The following CCDC7 variants were observed in gnomAD, a reference collection of about 807,000 sequenced individuals.
CCDC7 encodes coiled-coil domain containing 7.
A neutral mutation model predicts 196.9 loss-of-function variants in CCDC7; 183 were observed. The observed-to-expected ratio is 0.93, with a 90% CI of 0.82 to 1.05. CCDC7 has a LOEUF of 1.05. Ranked by LOEUF, CCDC7 falls within the 50% of genes least tolerant of loss-of-function variation. CCDC7 has a pLI of 0.00. For synonymous variants in CCDC7, 525 were observed against 484.6 expected (o/e 1.08, Z -1.10); for missense variants, 1,540 against 1,482.2 (o/e 1.04, Z -0.64).
chr10:32,769,293 A>G (rs577939028), intron 28 of CCDC7, among the ~76,000 whole-genome samples: 1 of 150,636 alleles, frequency 6.6e-6, no homozygotes, highest in Non-Finnish European at 1.5e-5. Context: ...TTGTGAGCAT[A>G]TAGTTATTCA....
intron 20 of CCDC7, among the ~76,000 whole-genome samples, chr10:32,656,717 C>G (rs1212900451): frequency 1.3e-5 from 2 of 152,162 alleles, no homozygotes; most frequent in African/African-American, 4.8e-5. Context: ...TATCATTCCA[C>G]CCGGCCCCTC....
intron 25 of CCDC7, among the ~76,000 whole-genome samples, chr10:32,718,076 AAAC>A (rs1591997561): frequency 6.6e-6 from 1 of 152,086 alleles, no homozygotes; most frequent in African/African-American, 2.4e-5. Flanking sequence ...AGAGACACAA[AAAC>A]AACAACAAAA....
Position 32,631,897 on chromosome 10 carries a change from T to C in CCDC7, c.1802-2357T>C, listed in dbSNP as rs530333193. Among the ~76,000 whole-genome samples, 8 of 152,198 alleles carry C rather than the reference T, an allele frequency of 5.3e-5. No homozygotes were observed. In the South Asian group the frequency reaches 1.7e-3, roughly 32 times the overall value. ...AAGTCATTCTTTAACTGTTTCATTT[T>C]GATACTATTATTAATTTTCAAACTG... On this transcript the variant is annotated intron_variant, in intron 18 of 41. Transcript: ENST00000639629.
At chr10:32,669,891 G>T (rs941770574) in intron 21 of CCDC7, among the ~76,000 whole-genome samples, 4 of 151,940 alleles carry the variant, frequency 2.6e-5, no homozygotes, top group African/African-American at 9.7e-5. Flanking sequence ...TGTTTGTATT[G>T]TTATACGTGA....
At chr10:32,799,271 C>T (rs111685823) in intron 29 of CCDC7, among the ~76,000 whole-genome samples, 2,892 of 152,176 alleles carry the variant, frequency 0.019, 48 homozygotes, top group Non-Finnish European at 0.029. Context: ...CTCCAAAATC[C>T]GAGAGGGCTC....
intron 21 of CCDC7, among the ~76,000 whole-genome samples, chr10:32,677,560 C>T (rs955308448): frequency 6.6e-6 from 1 of 151,796 alleles, no homozygotes; most frequent in African/African-American, 2.4e-5. Context: ...CTCTTCTGGC[C>T]TGCAGGGTTT....
intron 28 of CCDC7, among the ~76,000 whole-genome samples, chr10:32,732,410 T>C (rs1015397056): frequency 1.3e-4 from 20 of 152,210 alleles, no homozygotes; most frequent in African/African-American, 4.3e-4. Flanking sequence ...TATGTGCGTA[T>C]ATTCATGTAT....
At chr10:32,716,184 A>G (rs542705307) in intron 25 of CCDC7, among the ~76,000 whole-genome samples, 1 of 152,370 alleles carries the variant, frequency 6.6e-6, no homozygotes, top group Admixed American at 6.5e-5. Context: ...AGGGAAGCCC[A>G]TCAGACTAAC....
chr10:32,675,463 G>A (rs1343420294), intron 21 of CCDC7, among the ~76,000 whole-genome samples: 3 of 151,968 alleles, frequency 2.0e-5, no homozygotes, highest in South Asian at 4.2e-4. Flanking sequence ...TTTATATTCT[G>A]TATCCATTAA....
At chr10:32,583,650 A>T (rs985622579) in intron 17 of CCDC7, among the ~76,000 whole-genome samples, 5 of 152,108 alleles carry the variant, frequency 3.3e-5, no homozygotes, top group African/African-American at 9.7e-5. Flanking sequence ...CAATAAGATG[A>T]TTGTAAAAGC....
At chr10:32,682,514 C>G (rs1273901695) in intron 21 of CCDC7, among the ~76,000 whole-genome samples, 1 of 152,154 alleles carries the variant, frequency 6.6e-6, no homozygotes, top group Non-Finnish European at 1.5e-5. Flanking sequence ...GGGGTCATTC[C>G]CAGTAACGGG....
At chr10:32,660,668 A>G (rs1394036622) in intron 20 of CCDC7, among the ~76,000 whole-genome samples, 3 of 151,970 alleles carry the variant, frequency 2.0e-5, no homozygotes, top group Non-Finnish European at 4.4e-5. Context: ...GTCAAATGGT[A>G]TTTCCAGTTC....
intron 28 of CCDC7, among the ~76,000 whole-genome samples, chr10:32,731,929 T>G (rs2084043717): frequency 6.6e-6 from 1 of 152,166 alleles, no homozygotes. Flanking sequence ...GGCACGCGCC[T>G]GTAGTCCCGG....
chr10:32,693,664 A>C (rs1470151859), intron 23 of CCDC7, among the ~76,000 whole-genome samples: 1 of 152,136 alleles, frequency 6.6e-6, no homozygotes, highest in African/African-American at 2.4e-5. Context: ...ATAAGAAAAA[A>C]AAATTGATTC....
chr10:32,588,700 T>C (rs926317141), intron 18 of CCDC7, among the ~76,000 whole-genome samples: 1 of 152,152 alleles, frequency 6.6e-6, no homozygotes, highest in African/African-American at 2.4e-5. Flanking sequence ...TTTTATTTTT[T>C]AGAAGAGTGT....
intron 11 of CCDC7, among the ~76,000 whole-genome samples, chr10:32,524,206 A>T (rs1387729116): frequency 6.6e-6 from 1 of 152,072 alleles, no homozygotes; most frequent in East Asian, 1.9e-4. Context: ...CTTATAACCC[A>T]CAACTTTAAA....
At chr10:32,757,192 A>G (rs2076607025) in intron 28 of CCDC7, among the ~76,000 whole-genome samples, 1 of 152,212 alleles carries the variant, frequency 6.6e-6, no homozygotes, top group African/African-American at 2.4e-5. Context: ...AGACAGATCA[A>G]TGAGACAGAA....
rs151116922 is a variant in CCDC7 at position 32,595,630 on chromosome 10, A to T, written c.1801+11326A>T. On this transcript the variant is annotated intron_variant, in intron 18 of 41. Transcript: ENST00000639629. Reference sequence around the variant, plus strand: ...TGCTTCTCTAGTTCTTTTAATTGTGATGTTAGGGTGTCCATTTTAGATCTC... The same window carrying T: ...TGCTTCTCTAGTTCTTTTAATTGTGTTGTTAGGGTGTCCATTTTAGATCTC... 7.0e-3 allele frequency among the ~76,000 whole-genome samples: 1,071 copies of T among 152,000 alleles called. 13 individuals are homozygous for T. The highest frequency in any genetic ancestry group is 0.025 in the African/African-American group (1,023 of 41,436).
chr10:32,576,146 G>A lies in CCDC7; in HGVS notation c.1454+4253G>A, dbSNP rs199956976. Among the ~76,000 whole-genome samples the A allele has an allele frequency of 4.6e-5, 7 of 152,102 alleles. No individual in the cohort carries two copies. In the East Asian group the frequency reaches 1.2e-3, roughly 25 times the overall value. ...ATGGAGATGAGCCAGATTGTCCTTTGTCTGGAATGATAGTTCAGTGGGGAC... is the reference window on the plus strand; with the variant it reads ...ATGGAGATGAGCCAGATTGTCCTTTATCTGGAATGATAGTTCAGTGGGGAC... On this transcript the variant is annotated intron_variant, in intron 16 of 41. Transcript: ENST00000639629.
Sources: allele counts gnomAD v4.1 joint callset (sites outside exome capture counted in the v4.1 genomes callset), GRCh38; gene constraint gnomAD v4.1.1; transcripts MANE v1.5; gene names NCBI Gene and HGNC (gene_info 2026-07-23, HGNC 2026-07-21).